The following GALNT13 variants were observed in gnomAD, a reference collection of about 807,000 sequenced individuals.
GALNT13 encodes polypeptide N-acetylgalactosaminyltransferase 13.
Under a neutral mutation model 64.2 loss-of-function variants are expected in GALNT13, and 28 were observed. That is an observed-to-expected ratio of 0.44 (90% confidence interval 0.32 to 0.60). GALNT13 has a LOEUF of 0.60. Among genes scored for constraint, GALNT13 ranks in the 20% least tolerant of loss-of-function variants. The pLI is 0.05. For synonymous variants in GALNT13, 214 were observed against 224.6 expected, an observed-to-expected ratio of 0.95 and a Z score of 0.42; for missense variants, 577 against 669.8, an observed-to-expected ratio of 0.86 and a Z score of 1.53.
chr2:153,193,715 T>G, the GALNT13 span, among the ~76,000 whole-genome samples: 1 of 152,192 alleles, frequency 6.6e-6, no homozygotes, highest in Non-Finnish European at 1.5e-5. Flanking sequence ...TGCATGTGCT[T>G]TTATGATTGT....
the GALNT13 span, among the ~76,000 whole-genome samples, chr2:153,143,131 C>T: frequency 6.6e-6 from 1 of 151,870 alleles, no homozygotes; most frequent in Non-Finnish European, 1.5e-5. Context: ...GGTACCTGGA[C>T]AGCTGGCATT....
the GALNT13 span, among the ~76,000 whole-genome samples, chr2:153,481,444 A>C: frequency 6.6e-6 from 1 of 152,194 alleles, no homozygotes; most frequent in Non-Finnish European, 1.5e-5. Context: ...AGAAATCTTT[A>C]AGAAATGTTG....
At chr2:154,352,603 T>G (rs1275411640) in intron 9 of GALNT13, among the ~76,000 whole-genome samples, 1 of 152,164 alleles carries the variant, frequency 6.6e-6, no homozygotes, top group Non-Finnish European at 1.5e-5. Context: ...AGCAGTTGTA[T>G]ACAATGAGCT....
At chr2:154,212,443 C>A (rs1488236051) in intron 4 of GALNT13, among the ~76,000 whole-genome samples, 1 of 152,012 alleles carries the variant, frequency 6.6e-6, no homozygotes, top group South Asian at 2.1e-4. Flanking sequence ...AAGGTTTCAC[C>A]GTATTTGTCA....
chr2:153,074,288 A>AT, the GALNT13 span, among the ~76,000 whole-genome samples: 1 of 152,140 alleles, frequency 6.6e-6, no homozygotes, highest in African/African-American at 2.4e-5. Context: ...TACTTAGTTC[A>AT]TTTTTTTGAC....
In GALNT13 at chr2:153,916,899, A is replaced by C. The variant is rs146165149; in HGVS notation, c.-105+15892A>C. Among the ~76,000 whole-genome samples the C allele has an allele frequency of 3.6e-3, 545 of 152,312 alleles. 4 individuals carry two copies. The highest frequency in any genetic ancestry group is 0.012 in the African/African-American group (515 of 41,574). On this transcript the variant is annotated intron_variant, in intron 2 of 12. Transcript: ENST00000392825. ...TTTCTATACTTTGAATTAAACTGAA[A>C]GATTGCTCAAAGTTAAGGTCTATGA...
chr2:154,370,377 G>A (rs1163995806), intron 9 of GALNT13, among the ~76,000 whole-genome samples: 3 of 152,122 alleles, frequency 2.0e-5, no homozygotes. Context: ...TAGATGTAAA[G>A]AGGAAAAAGC....
At chr2:154,442,853 T>C (rs1701370668) in intron 12 of GALNT13, among the ~76,000 whole-genome samples, 1 of 152,126 alleles carries the variant, frequency 6.6e-6, no homozygotes, top group Non-Finnish European at 1.5e-5. Flanking sequence ...AAAAATATGA[T>C]ACTAAAAATA....
At chr2:154,177,755 A>G (rs1358337213) in intron 4 of GALNT13, among the ~76,000 whole-genome samples, 2 of 152,198 alleles carry the variant, frequency 1.3e-5, no homozygotes, top group Non-Finnish European at 2.9e-5. Flanking sequence ...ATATGTACAT[A>G]CATATATGTG....
chr2:153,751,364 GT>G, the GALNT13 span, among the ~76,000 whole-genome samples: 11 of 146,880 alleles, frequency 7.5e-5, no homozygotes, highest in East Asian at 2.0e-4. Flanking sequence ...GTTTTGTTTT[GT>G]TTTTTTTTTC....
At chr2:153,161,562 A>C in the GALNT13 span, among the ~76,000 whole-genome samples, 1 of 152,200 alleles carries the variant, frequency 6.6e-6, no homozygotes, top group African/African-American at 2.4e-5. Flanking sequence ...GAGTTCAGCC[A>C]GACTTAAGAG....
chr2:153,691,127 T>C, the GALNT13 span, among the ~76,000 whole-genome samples: 3 of 152,284 alleles, frequency 2.0e-5, no homozygotes, highest in South Asian at 6.2e-4. Context: ...TGTGGAGTAC[T>C]ATAAGCAATG....
intron 4 of GALNT13, among the ~76,000 whole-genome samples, chr2:154,145,919 A>G (rs1455098259): frequency 6.6e-6 from 1 of 151,974 alleles, no homozygotes; most frequent in Non-Finnish European, 1.5e-5. Flanking sequence ...TATTAATTGG[A>G]TTTCCAATCT....
At chr2:153,486,945 G>C in the GALNT13 span, among the ~76,000 whole-genome samples, 5 of 152,162 alleles carry the variant, frequency 3.3e-5, no homozygotes, top group Non-Finnish European at 7.3e-5. Flanking sequence ...TCAATATGGG[G>C]AAAAGCAGGT....
chr2:153,509,996 T>C, the GALNT13 span, among the ~76,000 whole-genome samples: 1 of 152,254 alleles, frequency 6.6e-6, no homozygotes, highest in Non-Finnish European at 1.5e-5. Context: ...TTGATTGCAC[T>C]TATTTGAGAA....
At chr2:153,879,814 A>G (rs533718307) in intron 1 of GALNT13, among the ~76,000 whole-genome samples, 1 of 152,320 alleles carries the variant, frequency 6.6e-6, no homozygotes, top group South Asian at 2.1e-4. Context: ...ATTTTTAAAA[A>G]GTTTATATTT....
At chr2:154,000,771 T>C (rs1695853228) in intron 3 of GALNT13, among the ~76,000 whole-genome samples, 1 of 152,022 alleles carries the variant, frequency 6.6e-6, no homozygotes, top group African/African-American at 2.4e-5. Context: ...TTATAGCTGA[T>C]GGATTGAATA....
At chr2:153,814,501 AT>A in the GALNT13 span, among the ~76,000 whole-genome samples, 1 of 151,614 alleles carries the variant, frequency 6.6e-6, no homozygotes, top group African/African-American at 2.4e-5. Flanking sequence ...AAATAAATAA[AT>A]AAATAAAACA....
At chr2:153,592,800 A>AAC in the GALNT13 span, 1 of 152,282 alleles carries the variant, frequency 6.6e-6, no homozygotes, top group South Asian at 2.1e-4. Context: ...TCCTCTCCGG[A>AAC]ACACACACCC....
Sources: gnomAD v4.1 joint callset for allele counts (sites outside exome capture counted in the v4.1 genomes callset) on GRCh38, gnomAD v4.1.1 for gene constraint, MANE v1.5 for transcripts, NCBI Gene and HGNC (gene_info 2026-07-23, HGNC 2026-07-21) for gene names.